Variants in VTA1 observed in about 807,000 individuals in gnomAD.
VTA1 encodes vesicle trafficking 1.
VTA1 carries 24 observed loss-of-function variants against 36.9 expected under a neutral mutation model. That is an observed-to-expected ratio of 0.65 (90% CI 0.47 to 0.91). The LOEUF (loss-of-function observed/expected upper bound fraction) is 0.91, where lower values mean the gene tolerates loss of function less well. VTA1 is among the 40% of genes least tolerant of loss of function. The pLI is 0.00. For synonymous variants in VTA1, 142 were observed against 130.2 expected, an observed-to-expected ratio of 1.09 and a Z score of -0.62; for missense variants, 393 against 377.2, an observed-to-expected ratio of 1.04 and a Z score of -0.35.
At chr6:142,167,288 ACT>A (rs1424465473) in intron 2 of VTA1, among the ~76,000 whole-genome samples, 1 of 151,938 alleles carries the variant, frequency 6.6e-6, no homozygotes, top group East Asian at 1.9e-4. Context: ...AGTAATGAGG[ACT>A]CTGTCCTGTA....
Position 142,194,885 on chromosome 6 carries a change from T to C in VTA1, c.521-3554T>C, listed in dbSNP as rs549723032. ...GATGTTGAATTTTGTCAAGTGCTTT[T>C]TATGCACTTATTAAAATTATCATAG... On this transcript the variant is annotated intron_variant, in intron 5 of 7. Coordinates refer to ENST00000367630, the MANE Select transcript of VTA1 (RefSeq NM_016485.5). 7.2e-5 allele frequency among the ~76,000 whole-genome samples: 11 copies of C among 152,276 alleles called. No homozygotes were observed. In the East Asian group the frequency reaches 2.1e-3, roughly 29 times the overall value.
intron 6 of VTA1, among the ~76,000 whole-genome samples, chr6:142,200,247 T>C (rs1405656581): frequency 6.6e-6 from 1 of 152,082 alleles, no homozygotes; most frequent in Non-Finnish European, 1.5e-5. Context: ...AATGGACTAG[T>C]AGTAGGCCTA....
At chr6:142,157,765 A>G (rs890483569) in intron 1 of VTA1, among the ~76,000 whole-genome samples, 1 of 151,762 alleles carries the variant, frequency 6.6e-6, no homozygotes, top group African/African-American at 2.4e-5. Flanking sequence ...ATAAGTTCCT[A>G]CTTTCACTGA....
At chr6:142,171,650 TTTAC>T (rs1432612323) in intron 4 of VTA1, among the ~76,000 whole-genome samples, 2 of 152,350 alleles carry the variant, frequency 1.3e-5, no homozygotes, top group African/African-American at 4.8e-5. Context: ...CATAACAGGC[TTTAC>T]CATTCATGTG....
Position 142,182,864 on chromosome 6 carries a change from C to G in VTA1, c.412-6562C>G, listed in dbSNP as rs1265756525. ...GTATTTAAGGGTGGTACATTTAAAG[C>G]CATTAGACTGCGTGAGATCATCAAG... On this transcript the variant is annotated intron_variant, in intron 4 of 7. Transcript: ENST00000367630. Among the ~76,000 whole-genome samples, 2 of 152,116 alleles carry G rather than the reference C, an allele frequency of 1.3e-5. 1 individual carries two copies. The highest frequency in any genetic ancestry group is 4.1e-4 in the South Asian group (2 of 4,822).
At position 142,198,597 on chromosome 6, in the gene VTA1, G is replaced by A; in HGVS notation, c.679G>A (p.Glu227Lys). The change falls in exon 6 of 8, where the codon GAA becomes AAA. Residue 227 changes from glutamate to lysine, a missense_variant. Glu to Lys is a moderately conservative substitution (Grantham distance 56). Transcript: ENST00000367630. ...ACACGCTCCAGCTAATACACCAGCA[G>A]AAGTGCCTCACAGCACAGGTGGGAA... Reference protein sequence around the residue: ...GAHAPANTPAEVPHSTGVASN... With the variant: ...GAHAPANTPAKVPHSTGVASN... 6.2e-7 allele frequency: 1 copy of A among 1,612,120 alleles called. No individual in the cohort carries two copies. Among genetic ancestry groups the A allele is most frequent in the Non-Finnish European group, 8.5e-7 (1 of 1,178,852 alleles).
In VTA1 at chr6:142,221,970, CA is replaced by C. The variant is rs1181395480; in HGVS notation, c.*3340del. On this transcript the variant is annotated 3_prime_UTR_variant, in exon 8 of 8. Transcript: ENST00000367630. ...TGGGCGACAGAGCGAGACTCCTTCT[CA>C]AAAAAAAAAAAAGTATTACAATAAT... 179 of 129,654 alleles carry C rather than the reference CA, an allele frequency of 1.4e-3. No individual in the cohort carries two copies. The highest frequency in any genetic ancestry group is 1.3e-3 in the Admixed American group (17 of 12,780). 8.0% of individuals were successfully genotyped at this position (129,654 alleles called of 1,614,324 possible).
In VTA1 at chr6:142,218,485, C is replaced by T. The variant is rs768995071; in HGVS notation, c.779-13C>T. The T allele has an allele frequency of 6.2e-7, 1 of 1,611,004 alleles. No homozygotes were observed. Among genetic ancestry groups the T allele is most frequent in the Non-Finnish European group, 8.5e-7 (1 of 1,179,042 alleles). ...TATTCTTATAAATATCCCAATTGTTCTTTTTCTTCTAGGGGATGTTCGTCT... is the reference window on the plus strand; with the variant it reads ...TATTCTTATAAATATCCCAATTGTTTTTTTTCTTCTAGGGGATGTTCGTCT... On this transcript the variant is annotated splice_polypyrimidine_tract_variant and intron_variant, in intron 7 of 7. Transcript: ENST00000367630.
chr6:142,189,030 T>A (rs225674), intron 4 of VTA1, among the ~76,000 whole-genome samples: 65,671 of 151,984 alleles, frequency 0.43, 15,141 homozygotes, highest in Middle Eastern at 0.55. Flanking sequence ...ATTTGTACAG[T>A]TCTGTTTTTT....
intron 7 of VTA1, among the ~76,000 whole-genome samples, chr6:142,205,624 A>C (rs931489722): frequency 6.6e-6 from 1 of 152,186 alleles, no homozygotes; most frequent in Non-Finnish European, 1.5e-5. Flanking sequence ...TACTCCAAAG[A>C]AGAAAGATTC....
intron 6 of VTA1, among the ~76,000 whole-genome samples, chr6:142,203,379 G>A (rs774140393): frequency 7.9e-5 from 12 of 151,812 alleles, no homozygotes; most frequent in Non-Finnish European, 1.8e-4. Flanking sequence ...CTTTTTTGGG[G>A]GAACTTTTAA....
At chr6:142,183,113 T>C (rs1034708619) in intron 4 of VTA1, among the ~76,000 whole-genome samples, 3 of 152,154 alleles carry the variant, frequency 2.0e-5, no homozygotes, top group African/African-American at 4.8e-5. Context: ...GAAGATGGCA[T>C]GTAAGCCTTG....
intron 5 of VTA1, among the ~76,000 whole-genome samples, 178 bp from the exon 6 acceptor site, chr6:142,198,260 AT>A (rs1422523339): frequency 6.6e-6 from 1 of 151,898 alleles, no homozygotes; most frequent in Non-Finnish European, 1.5e-5. Context: ...GTACAATTAC[AT>A]TTTTTAAGAA....
intron 1 of VTA1, among the ~76,000 whole-genome samples, chr6:142,156,489 T>C (rs1778665040): frequency 1.3e-5 from 2 of 152,200 alleles, no homozygotes; most frequent in South Asian, 4.1e-4. Flanking sequence ...GAATCTTTAC[T>C]AAAAGTGGGC....
At chr6:142,214,046 T>C (rs1044099252) in intron 7 of VTA1, among the ~76,000 whole-genome samples, 1 of 152,230 alleles carries the variant, frequency 6.6e-6, no homozygotes, top group Non-Finnish European at 1.5e-5. Flanking sequence ...TCCATACTTT[T>C]ATGCTCTGCT....
intron 4 of VTA1, among the ~76,000 whole-genome samples, chr6:142,172,820 G>T (rs1775052829): frequency 1.3e-5 from 2 of 152,148 alleles, no homozygotes; most frequent in Admixed American, 6.5e-5. Flanking sequence ...GATTAGAAGA[G>T]TAAGTCATAA....
chr6:142,175,597 G>C (rs1323981784), intron 4 of VTA1, among the ~76,000 whole-genome samples: 1 of 151,906 alleles, frequency 6.6e-6, no homozygotes, highest in Non-Finnish European at 1.5e-5. Context: ...ACTTGAAGAG[G>C]GGGCTTTGTC....
intron 5 of VTA1, among the ~76,000 whole-genome samples, chr6:142,193,303 T>C (rs115591538): frequency 0.017 from 2,529 of 152,244 alleles, 75 homozygotes; most frequent in African/African-American, 0.057. Flanking sequence ...TGGTGAAATA[T>C]TGGTGATGTT....
intron 7 of VTA1, among the ~76,000 whole-genome samples, chr6:142,215,144 T>A (rs1775982566): frequency 6.6e-6 from 1 of 152,122 alleles, no homozygotes; most frequent in South Asian, 2.1e-4. Context: ...CCTGATAAAG[T>A]TTTTTGAGCA....
Sources: gnomAD v4.1 joint callset for allele counts (sites outside exome capture counted in the v4.1 genomes callset) on GRCh38, gnomAD v4.1.1 for gene constraint, MANE v1.5 for transcripts, NCBI Gene and HGNC (gene_info 2026-07-23, HGNC 2026-07-21) for gene names.